Variants in GMDS observed in about 807,000 individuals in gnomAD.
GMDS encodes GDP-mannose 4,6 dehydratase.
A neutral mutation model predicts 49.9 loss-of-function variants in GMDS; 20 were observed. That is an observed-to-expected ratio of 0.40 (90% CI 0.28 to 0.58). The LOEUF is 0.58. GMDS is among the 20% of genes least tolerant of loss of function. The pLI is 0.42. For synonymous variants in GMDS, 177 were observed against 178.6 expected (o/e 0.99, Z 0.07); for missense variants, 362 against 481.4 (o/e 0.75, Z 2.32).
chr6:1,711,108 T>G (rs146354067), intron 9 of GMDS, among the ~76,000 whole-genome samples: 232 of 152,358 alleles, frequency 1.5e-3, no homozygotes, highest in African/African-American at 5.3e-3. Context: ...TCTGAGCATT[T>G]TCCCCTGGGG....
intron 7 of GMDS, among the ~76,000 whole-genome samples, chr6:1,826,152 A>G (rs1423052977): frequency 2.0e-5 from 3 of 152,234 alleles, no homozygotes; most frequent in African/African-American, 7.2e-5. Flanking sequence ...ATGACTGCAC[A>G]CTACTGTAGA....
At chr6:1,646,055 A>T (rs1405780160) in intron 9 of GMDS, among the ~76,000 whole-genome samples, 1 of 152,192 alleles carries the variant, frequency 6.6e-6, no homozygotes, top group Non-Finnish European at 1.5e-5. Flanking sequence ...ACTGAAGTCA[A>T]TGTATCTCCC....
At chr6:1,827,380 G>T (rs1419385874) in intron 7 of GMDS, among the ~76,000 whole-genome samples, 1 of 39,824 alleles carries the variant, frequency 2.5e-5, no homozygotes, top group African/African-American at 1.7e-4. Flanking sequence ...CACACGTTTT[G>T]GAAAACCTGT....
chr6:2,208,638 A>G (rs1230255766), intron 1 of GMDS, among the ~76,000 whole-genome samples: 3 of 152,182 alleles, frequency 2.0e-5, no homozygotes, highest in Non-Finnish European at 2.9e-5. Flanking sequence ...ACACTTTCCC[A>G]TAGATTTATG....
At chr6:1,824,560 G>C (rs1318891186) in intron 7 of GMDS, among the ~76,000 whole-genome samples, 1 of 152,098 alleles carries the variant, frequency 6.6e-6, no homozygotes, top group Non-Finnish European at 1.5e-5. Flanking sequence ...TCTGTCTTCT[G>C]TTGGTCTCTC....
intron 4 of GMDS, among the ~76,000 whole-genome samples, chr6:2,037,544 C>G (rs1025477947): frequency 6.6e-6 from 1 of 152,102 alleles, no homozygotes; most frequent in African/African-American, 2.4e-5. Flanking sequence ...TTCAAACAGA[C>G]GAGAAGTACA....
intron 1 of GMDS, among the ~76,000 whole-genome samples, chr6:2,148,532 T>C (rs1329230667): frequency 1.3e-5 from 2 of 152,212 alleles, no homozygotes; most frequent in Non-Finnish European, 2.9e-5. Context: ...GCTATTCTCC[T>C]GCCTCAGCCT....
intron 8 of GMDS, among the ~76,000 whole-genome samples, chr6:1,728,102 A>G (rs1357876804): frequency 6.6e-6 from 1 of 152,216 alleles, no homozygotes; most frequent in Non-Finnish European, 1.5e-5. Context: ...GTTTTGGAGC[A>G]TGGAGATTGA....
At chr6:1,875,059 T>C (rs1043211381) in intron 7 of GMDS, among the ~76,000 whole-genome samples, 1 of 152,212 alleles carries the variant, frequency 6.6e-6, no homozygotes, top group Non-Finnish European at 1.5e-5. Flanking sequence ...AATATTTTTT[T>C]GTTTCTTCTC....
chr6:1,913,986 C>T (rs561968456), intron 7 of GMDS, among the ~76,000 whole-genome samples: 1 of 152,164 alleles, frequency 6.6e-6, no homozygotes, highest in South Asian at 2.1e-4. Context: ...ACAGTATATC[C>T]ATCCTATAGA....
chr6:2,232,140 T>C (rs933237404), intron 1 of GMDS, among the ~76,000 whole-genome samples: 2 of 132,526 alleles, frequency 1.5e-5, no homozygotes, highest in African/African-American at 6.5e-5. Flanking sequence ...TTCTTACATT[T>C]TGGTGTGTAA....
At chr6:1,762,144 T>C (rs1768185297) in intron 7 of GMDS, among the ~76,000 whole-genome samples, 1 of 152,270 alleles carries the variant, frequency 6.6e-6, no homozygotes, top group Admixed American at 6.5e-5. Flanking sequence ...CATCATTAAA[T>C]GCTCAATTGC....
Position 1,969,289 on chromosome 6 carries a change from A to AAAAAAAAAAAAAAAAG in GMDS, c.346-8324_346-8323insCTTTTTTTTTTTTTTT, listed in dbSNP as rs56095985. ...AAAAAAAAAAAAAAAAAAAAAAAAAAAGAGAAAGAAAGAAAAAAAGAAATT... is the reference window on the plus strand; with the variant it reads ...AAAAAAAAAAAAAAAAAAAAAAAAAAAAAAAAAAAAAAAAAGAGAGAAAGAAAGAAAAAAAGAAATT... On this transcript the variant is annotated intron_variant, in intron 4 of 10. Coordinates refer to ENST00000380815, the MANE Select transcript of GMDS (RefSeq NM_001500.4). 1.4e-4 allele frequency among the ~76,000 whole-genome samples: 12 copies of AAAAAAAAAAAAAAAAG among 84,358 alleles called. 2 individuals are homozygous for AAAAAAAAAAAAAAAAG. Among genetic ancestry groups the AAAAAAAAAAAAAAAAG allele is most frequent in the South Asian group, 4.3e-4 (1 of 2,342 alleles). The allele number at this position is 84,358 out of a possible 152,430, so 55.3% of individuals were successfully genotyped here.
At chr6:1,759,604 A>T (rs1289618406) in intron 7 of GMDS, among the ~76,000 whole-genome samples, 1 of 152,230 alleles carries the variant, frequency 6.6e-6, no homozygotes, top group East Asian at 1.9e-4. Context: ...GTTGCTGGGC[A>T]CTGTGCTAGA....
intron 9 of GMDS, among the ~76,000 whole-genome samples, chr6:1,675,290 G>C (rs4959587): frequency 0.34 from 50,746 of 150,912 alleles, 8,896 homozygotes; most frequent in Middle Eastern, 0.48. Flanking sequence ...AACTTGTATC[G>C]TGCAACCTTG....
At position 1,662,824 on chromosome 6, in the gene GMDS, C is replaced by G. The variant is rs1043170133; in HGVS notation, c.988-38284G>C. On this transcript the variant is annotated intron_variant, in intron 9 of 10. Coordinates refer to ENST00000380815, the MANE Select transcript of GMDS (RefSeq NM_001500.4). ...TTTTGTGTTCTCTCCTGCCAAGATG[C>G]TGAGGGCAGTCAGCTGGGAGGAATG... is the stretch of plus-strand genomic sequence containing the variant. Among the ~76,000 whole-genome samples the G allele has an allele frequency of 1.1e-4, 16 of 152,284 alleles. No homozygotes were observed. The East Asian group carries it at 3.1e-3, about 29-fold the overall frequency.
At chr6:1,904,653 C>T (rs916494527) in intron 7 of GMDS, among the ~76,000 whole-genome samples, 7 of 152,194 alleles carry the variant, frequency 4.6e-5, no homozygotes, top group African/African-American at 1.7e-4. Flanking sequence ...AGTGACTCGC[C>T]GGCTCCCACA....
chr6:1,949,050 G>A (rs1763217338), intron 6 of GMDS: 1 of 975,024 alleles, frequency 1.0e-6, no homozygotes, highest in Admixed American at 6.2e-5. Context: ...CTCCAACAGG[G>A]TCTTTCACTT....
chr6:1,922,336 AC>A (rs1761757474), intron 7 of GMDS, among the ~76,000 whole-genome samples: 1 of 152,178 alleles, frequency 6.6e-6, no homozygotes, highest in Non-Finnish European at 1.5e-5. Flanking sequence ...GGATTCAGGC[AC>A]CACTAACACT....
Sources: allele counts gnomAD v4.1 joint callset (sites outside exome capture counted in the v4.1 genomes callset), GRCh38; gene constraint gnomAD v4.1.1; transcripts MANE v1.5; gene names NCBI Gene and HGNC (gene_info 2026-07-23, HGNC 2026-07-21).